The following SAMMSON variants were observed in gnomAD, a reference collection of about 807,000 sequenced individuals.
The protein encoded by SAMMSON is survival associated mitochondrial melanoma specific oncogenic non-coding RNA.
chr3:70,397,266 C>T (rs1279634874), intron 2 of SAMMSON, among the ~76,000 whole-genome samples: 3 of 152,148 alleles, frequency 2.0e-5, no homozygotes, highest in South Asian at 4.2e-4. Context: ...ATTCTGGGAT[C>T]GCTAGTATGT....
At chr3:70,078,679 A>G (rs2067257362) in intron 4 of SAMMSON, among the ~76,000 whole-genome samples, 1 of 152,090 alleles carries the variant, frequency 6.6e-6, no homozygotes, top group South Asian at 2.1e-4. Flanking sequence ...CTGAACCCTG[A>G]TCAATACCCC....
At position 70,302,228 on chromosome 3, in the gene SAMMSON, A is replaced by G. The variant is rs527430073; in HGVS notation, n.739+10985A>G. On this transcript the variant is annotated intron_variant and non_coding_transcript_variant, in intron 7 of 9. Coordinates refer to ENST00000642114, the Ensembl canonical transcript of SAMMSON. Reference sequence around the variant, plus strand: ...TTTATGCCTGTAGAGTGATGTCTTCATTTGCTCTGTTCACATTCCTTTTTT... The same window carrying G: ...TTTATGCCTGTAGAGTGATGTCTTCGTTTGCTCTGTTCACATTCCTTTTTT... Among the ~76,000 whole-genome samples the G allele has an allele frequency of 6.6e-5, 10 of 152,182 alleles. No homozygotes were observed. The South Asian group carries it at 2.1e-3, about 32-fold the overall frequency.
At chr3:70,103,056 A>T (rs779660924) in intron 4 of SAMMSON, among the ~76,000 whole-genome samples, 28 of 152,172 alleles carry the variant, frequency 1.8e-4, no homozygotes, top group Non-Finnish European at 3.4e-4. Flanking sequence ...AAGCAGGCCA[A>T]GGTTGGCACT....
chr3:70,063,047 C>T (rs1017493083), intron 3 of SAMMSON, among the ~76,000 whole-genome samples: 2 of 152,032 alleles, frequency 1.3e-5, no homozygotes, highest in African/African-American at 4.8e-5. Context: ...TCTTTGTCTC[C>T]TGCTTTGTCT....
At chr3:70,296,623 G>C (rs1702291848) in intron 7 of SAMMSON, among the ~76,000 whole-genome samples, 1 of 152,130 alleles carries the variant, frequency 6.6e-6, no homozygotes, top group Non-Finnish European at 1.5e-5. Flanking sequence ...CTTGGACCTT[G>C]TCCTTGATGT....
chr3:70,173,767 T>C (rs1700981194), intron 4 of SAMMSON, among the ~76,000 whole-genome samples: 1 of 152,002 alleles, frequency 6.6e-6, no homozygotes. Context: ...ATTTAGTTTT[T>C]TTCTTTAAGA....
intron 3 of SAMMSON, among the ~76,000 whole-genome samples, chr3:70,044,433 A>G (rs2067116623): frequency 6.6e-6 from 1 of 152,076 alleles, no homozygotes; most frequent in Non-Finnish European, 1.5e-5. Flanking sequence ...CGATGATTAT[A>G]GTGGTATGTA....
At chr3:70,336,839 TGTGTG>T (rs1702664364) in intron 7 of SAMMSON, among the ~76,000 whole-genome samples, 1 of 149,706 alleles carries the variant, frequency 6.7e-6, no homozygotes, top group Non-Finnish European at 1.5e-5. Context: ...TGTGTGTGTG[TGTGTG>T]TGTGTGTGTG....
intron 4 of SAMMSON, among the ~76,000 whole-genome samples, chr3:70,117,736 A>G (rs1467700475): frequency 1.3e-5 from 2 of 152,118 alleles, no homozygotes; most frequent in African/African-American, 2.4e-5. Context: ...CCTGATCTCA[A>G]TTTAGATACC....
intron 6 of SAMMSON, among the ~76,000 whole-genome samples, chr3:70,258,462 A>C (rs1701837638): frequency 6.6e-6 from 1 of 152,182 alleles, no homozygotes; most frequent in African/African-American, 2.4e-5. Flanking sequence ...ACATTGTTAC[A>C]ACCTCTGGGT....
chr3:70,190,090 C>G (rs903198984), intron 4 of SAMMSON, among the ~76,000 whole-genome samples: 2 of 152,130 alleles, frequency 1.3e-5, no homozygotes, highest in African/African-American at 2.4e-5. Flanking sequence ...TAGAACTCCC[C>G]CCTCCCCAAC....
Position 70,340,622 on chromosome 3 carries a change from C to G in SAMMSON, n.740-13553C>G, listed in dbSNP as rs563267381. ...AGGTATATGGTGCTTATGTAAACAGCTCCCAGTAAAACCTCTGGACATTGA... is the reference window on the plus strand; with the variant it reads ...AGGTATATGGTGCTTATGTAAACAGGTCCCAGTAAAACCTCTGGACATTGA... On this transcript the variant is annotated intron_variant and non_coding_transcript_variant, in intron 7 of 9. Transcript: ENST00000642114. Among the ~76,000 whole-genome samples, 31 of 152,216 alleles carry G rather than the reference C, an allele frequency of 2.0e-4. No individual in the cohort carries two copies. In the South Asian group the frequency reaches 5.2e-3, roughly 26 times the overall value.
chr3:70,096,756 ATGT>A (rs1375132916), intron 4 of SAMMSON, among the ~76,000 whole-genome samples: 1 of 152,154 alleles, frequency 6.6e-6, no homozygotes, highest in African/African-American at 2.4e-5. Flanking sequence ...TAACAGCAAC[ATGT>A]TGTTATTGTC....
At chr3:70,391,822 C>T (rs1016389498), downstream of SAMMSON, among the ~76,000 whole-genome samples, 4 of 152,044 alleles carry the variant, frequency 2.6e-5, no homozygotes, top group Admixed American at 1.3e-4. Context: ...AACTTACTGA[C>T]GCATCATGGC....
At chr3:70,095,830 G>A (rs1158783239) in intron 4 of SAMMSON, 3 of 152,202 alleles carry the variant, frequency 2.0e-5, no homozygotes, top group Non-Finnish European at 2.9e-5. Flanking sequence ...CACTTCACTA[G>A]AAGTTCTGTG....
At chr3:70,281,616 T>A (rs772142907) in intron 6 of SAMMSON, among the ~76,000 whole-genome samples, 8 of 152,092 alleles carry the variant, frequency 5.3e-5, no homozygotes, top group East Asian at 1.9e-4. Context: ...TACACAGGAA[T>A]CTAAACGTCT....
At chr3:70,175,778 C>T (rs1411542559) in intron 4 of SAMMSON, among the ~76,000 whole-genome samples, 1 of 152,002 alleles carries the variant, frequency 6.6e-6, no homozygotes, top group African/African-American at 2.4e-5. Context: ...AGGACTATTG[C>T]ATTATAACAA....
At chr3:70,427,601 G>A (rs1701381514) in intron 2 of SAMMSON, among the ~76,000 whole-genome samples, 1 of 152,146 alleles carries the variant, frequency 6.6e-6, no homozygotes, top group Non-Finnish European at 1.5e-5. Flanking sequence ...AGCCGGGCAT[G>A]GTGGCGCGCG....
chr3:70,120,882 G>T (rs987865738), intron 4 of SAMMSON, among the ~76,000 whole-genome samples: 5 of 152,050 alleles, frequency 3.3e-5, no homozygotes, highest in Non-Finnish European at 7.4e-5. Flanking sequence ...GGATGGTTTC[G>T]GGATGATTCA....
Sources: allele counts gnomAD v4.1 joint callset (sites outside exome capture counted in the v4.1 genomes callset), GRCh38; gene constraint gnomAD v4.1.1; transcripts MANE v1.5; gene names NCBI Gene and HGNC (gene_info 2026-07-23, HGNC 2026-07-21).